FBXO16: variants seen among roughly 807,000 people sequenced by gnomAD.
The protein encoded by FBXO16 is F-box only protein 16.
FBXO16 carries 31 observed loss-of-function variants against 41.0 expected under a neutral mutation model. The ratio of observed to expected loss-of-function variants is 0.76; its 90% CI spans 0.57 to 1.02. FBXO16 has a LOEUF of 1.02. FBXO16 is among the 50% of genes least tolerant of loss of function. The pLI is 0.00. For synonymous variants in FBXO16, 133 were observed against 117.8 expected (o/e 1.13, Z -0.84); for missense variants, 361 against 346.2 (o/e 1.04, Z -0.34).
At position 28,442,217 on chromosome 8, in the gene FBXO16, C is replaced by T. The variant is rs533001566; in HGVS notation, c.843+4954G>A. Among the ~76,000 whole-genome samples the T allele has an allele frequency of 6.1e-4, 93 of 151,816 alleles. 2 individuals are homozygous for T. In the South Asian group the frequency reaches 7.1e-3, roughly 12 times the overall value. ...CCTCCCAAAATGTTGGGATTACAGG[C>T]GTGAGCCACTGTGCCCGGCCGGAAT... On this transcript the variant is annotated intron_variant, in intron 7 of 8. Transcript: ENST00000380254.
At chr8:28,482,969 A>C (rs1345855580) in intron 2 of FBXO16, among the ~76,000 whole-genome samples, 1 of 152,188 alleles carries the variant, frequency 6.6e-6, no homozygotes, top group Non-Finnish European at 1.5e-5. Context: ...GTGCAGCATT[A>C]CCCAGCAACC....
At chr8:28,476,594 C>T (rs1329309899) in intron 2 of FBXO16, among the ~76,000 whole-genome samples, 1 of 152,180 alleles carries the variant, frequency 6.6e-6, no homozygotes, top group Non-Finnish European at 1.5e-5. Context: ...TTGCAAGATG[C>T]TGCAGTCTGT....
At chr8:28,470,050 C>T (rs906000775) in intron 3 of FBXO16, among the ~76,000 whole-genome samples, 17 of 149,190 alleles carry the variant, frequency 1.1e-4, no homozygotes, top group Non-Finnish European at 2.4e-4. Context: ...AAAAATTAGC[C>T]GGGCGCGGTG....
chr8:28,481,375 AAG>A (rs1455275133), intron 2 of FBXO16, among the ~76,000 whole-genome samples: 1 of 151,940 alleles, frequency 6.6e-6, no homozygotes, highest in African/African-American at 2.4e-5. Flanking sequence ...GCGGGTGGAG[AAG>A]AGAGGCCTGA....
chr8:28,476,995 T>C (rs544237267), intron 2 of FBXO16, among the ~76,000 whole-genome samples: 2 of 152,224 alleles, frequency 1.3e-5, no homozygotes, highest in Non-Finnish European at 2.9e-5. Flanking sequence ...CACTTTCAAT[T>C]AAAACACTAG....
chr8:28,429,419 A>G lies in FBXO16; in HGVS notation c.844-16T>C. On this transcript the variant is annotated splice_polypyrimidine_tract_variant and intron_variant, in intron 7 of 8. Coordinates refer to ENST00000380254, the MANE Select transcript of FBXO16 (RefSeq NM_172366.4). Reference sequence around the variant, plus strand: ...TCCTCGACATCTGGCCGCGAGCAGGAAAGGGAAGAGAATGGAGAGAGGAAA... The same window carrying G: ...TCCTCGACATCTGGCCGCGAGCAGGGAAGGGAAGAGAATGGAGAGAGGAAA... The G allele has an allele frequency of 1.9e-6, 3 of 1,613,838 alleles. No homozygotes were observed. The highest frequency in any genetic ancestry group is 1.3e-5 in the African/African-American group (1 of 75,036).
Position 28,432,723 on chromosome 8 carries a change from C to T in FBXO16, c.844-3320G>A, listed in dbSNP as rs368226857. Among the ~76,000 whole-genome samples, 11 of 152,236 alleles carry T rather than the reference C, an allele frequency of 7.2e-5. No individual in the cohort carries two copies. In the South Asian group the frequency reaches 1.9e-3, roughly 26 times the overall value. On this transcript the variant is annotated intron_variant, in intron 7 of 8. Transcript: ENST00000380254. Reference sequence around the variant, plus strand: ...AGGTGGACGTTGCCAATGGCCATGCCGTCCATCAGCATTCCTAGTGCTGCC... The same window carrying T: ...AGGTGGACGTTGCCAATGGCCATGCTGTCCATCAGCATTCCTAGTGCTGCC...
Position 28,432,128 on chromosome 8 carries a change from A to AGTGTGT in FBXO16, c.844-2731_844-2726dup, listed in dbSNP as rs56917233. On this transcript the variant is annotated intron_variant, in intron 7 of 8. Transcript: ENST00000380254. ...TATATATGTGAGAGGCTATGTATGGAGTGTGTGTGTGTGTGTGTGTGTGTG... is the reference window on the plus strand; with the variant it reads ...TATATATGTGAGAGGCTATGTATGGAGTGTGTGTGTGTGTGTGTGTGTGTGTGTGTG... Among the ~76,000 whole-genome samples, 627 of 142,906 alleles carry AGTGTGT rather than the reference A, an allele frequency of 4.4e-3. 5 individuals are homozygous for AGTGTGT. Among genetic ancestry groups the AGTGTGT allele is most frequent in the African/African-American group, 0.013 (494 of 38,332 alleles). 93.8% of individuals were successfully genotyped at this position (142,906 alleles called of 152,430 possible). A position where few individuals can be genotyped will look rare whatever the true frequency, so the allele number is the denominator to read the frequency against.
chr8:28,442,311 G>A (rs1360653651), intron 7 of FBXO16, among the ~76,000 whole-genome samples: 1 of 152,042 alleles, frequency 6.6e-6, no homozygotes, highest in Non-Finnish European at 1.5e-5. Flanking sequence ...GGAGTGTCTT[G>A]ACATTTACAT....
chr8:28,472,958 C>A (rs926156364), intron 3 of FBXO16, among the ~76,000 whole-genome samples: 2 of 152,118 alleles, frequency 1.3e-5, no homozygotes, highest in Non-Finnish European at 2.9e-5. Context: ...TCCCATACAC[C>A]CAGAACCATC....
chr8:28,450,273 A>C (rs1802932685), intron 6 of FBXO16, among the ~76,000 whole-genome samples: 2 of 152,202 alleles, frequency 1.3e-5, no homozygotes, highest in South Asian at 4.1e-4. Context: ...TACATGCAAA[A>C]CAATGAAGTT....
intron 6 of FBXO16, among the ~76,000 whole-genome samples, chr8:28,448,382 A>T (rs987050311): frequency 2.0e-5 from 3 of 151,840 alleles, no homozygotes; most frequent in African/African-American, 4.8e-5. Flanking sequence ...AGAAAAGAAA[A>T]AAAAGGAACA....
intron 7 of FBXO16, among the ~76,000 whole-genome samples, chr8:28,438,085 G>A (rs998997232): frequency 6.6e-6 from 1 of 152,130 alleles, no homozygotes; most frequent in Admixed American, 6.5e-5. Flanking sequence ...GGAGGCTGAA[G>A]CAGGCAGATA....
intron 2 of FBXO16, among the ~76,000 whole-genome samples, chr8:28,474,133 G>A (rs1193999838): frequency 2.0e-5 from 3 of 151,746 alleles, no homozygotes; most frequent in East Asian, 3.9e-4. Flanking sequence ...AAAGCAGCCT[G>A]GGCAACATGG....
intron 7 of FBXO16, among the ~76,000 whole-genome samples, chr8:28,439,943 G>C (rs1322318128): frequency 4.0e-5 from 6 of 149,556 alleles, no homozygotes; most frequent in Non-Finnish European, 8.9e-5. Flanking sequence ...AGTTTGTGTT[G>C]GTTTTAAATT....
At chr8:28,453,410 G>A (rs927433669) in intron 5 of FBXO16, among the ~76,000 whole-genome samples, 7 of 151,884 alleles carry the variant, frequency 4.6e-5, no homozygotes, top group Non-Finnish European at 1.0e-4. Flanking sequence ...GAGTTGCAGA[G>A]AGGTAGACTA....
intron 1 of FBXO16, among the ~76,000 whole-genome samples, chr8:28,486,959 C>T (rs957811801): frequency 3.3e-5 from 5 of 152,022 alleles, no homozygotes; most frequent in East Asian, 1.9e-4. Flanking sequence ...TGCACATACA[C>T]GCAAAATTTT....
At chr8:28,466,134 G>C (rs1471404833) in intron 3 of FBXO16, among the ~76,000 whole-genome samples, 1 of 152,156 alleles carries the variant, frequency 6.6e-6, no homozygotes, top group African/African-American at 2.4e-5. Flanking sequence ...AGCTATTCGG[G>C]AGTGTGAGGC....
intron 7 of FBXO16, among the ~76,000 whole-genome samples, chr8:28,430,092 A>G (rs1211001363): frequency 6.6e-6 from 1 of 152,164 alleles, no homozygotes; most frequent in Non-Finnish European, 1.5e-5. Context: ...TTTATTTTTG[A>G]GACAGGGTCT....
Sources: allele counts gnomAD v4.1 joint callset (sites outside exome capture counted in the v4.1 genomes callset), GRCh38; gene constraint gnomAD v4.1.1; transcripts MANE v1.5; gene names NCBI Gene and HGNC (gene_info 2026-07-23, HGNC 2026-07-21).